Variants in SLC9A9 observed in about 807,000 individuals in gnomAD.
SLC9A9 encodes the protein sodium/hydrogen exchanger 9.
SLC9A9 carries 62 observed loss-of-function variants against 77.8 expected under a neutral mutation model. That is an observed-to-expected ratio of 0.80 (90% CI 0.65 to 0.98). The LOEUF is 0.98. SLC9A9 is among the 50% of genes least tolerant of loss of function. SLC9A9 has a pLI of 0.00. For synonymous variants in SLC9A9, 320 were observed against 283.5 expected (o/e 1.13, Z -1.29); for missense variants, 775 against 774.9 (o/e 1.00, Z 0.00).
intron 14 of SLC9A9, among the ~76,000 whole-genome samples, chr3:143,339,875 T>G (rs1273826229): frequency 6.6e-6 from 1 of 152,198 alleles, no homozygotes; most frequent in Non-Finnish European, 1.5e-5. Flanking sequence ...CAACTCCTTC[T>G]GTAAAAGGAT....
intron 9 of SLC9A9, among the ~76,000 whole-genome samples, chr3:143,516,181 T>C (rs1179729857): frequency 6.6e-6 from 1 of 152,202 alleles, no homozygotes; most frequent in South Asian, 2.1e-4. Flanking sequence ...ATGTTCTTAC[T>C]TTTTAATCTC....
At chr3:143,303,160 CAAATTAGAGAGGCCCACCT>C (rs1329390671) in intron 14 of SLC9A9, among the ~76,000 whole-genome samples, 2 of 152,180 alleles carry the variant, frequency 1.3e-5, no homozygotes, top group African/African-American at 4.8e-5. Flanking sequence ...AGCCTTTGTA[CAAATTAGAGAGGCCCACCT>C]GGATCATGGG....
chr3:143,400,846 C>T (rs1311026438), intron 12 of SLC9A9, among the ~76,000 whole-genome samples: 1 of 151,998 alleles, frequency 6.6e-6, no homozygotes, highest in African/African-American at 2.4e-5. Flanking sequence ...CTCTCAGGAT[C>T]GTGCAAGTGC....
At chr3:143,329,107 A>T (rs1483864774) in intron 14 of SLC9A9, among the ~76,000 whole-genome samples, 1 of 152,248 alleles carries the variant, frequency 6.6e-6, no homozygotes, top group African/African-American at 2.4e-5. Context: ...GATGTTTCCC[A>T]GCCTTAGCGC....
chr3:143,766,738 T>G (rs940621655), intron 4 of SLC9A9, among the ~76,000 whole-genome samples: 1 of 152,042 alleles, frequency 6.6e-6, no homozygotes, highest in Non-Finnish European at 1.5e-5. Context: ...CTGGCTAATT[T>G]TTAAAAAATA....
chr3:143,727,474 C>G (rs1285059447), intron 4 of SLC9A9, among the ~76,000 whole-genome samples: 1 of 152,184 alleles, frequency 6.6e-6, no homozygotes, highest in Non-Finnish European at 1.5e-5. Context: ...CAATATATCC[C>G]TATCCATGCT....
At position 143,584,209 on chromosome 3, in the gene SLC9A9, A is replaced by G. The variant is rs1331751258; in HGVS notation, c.756-5486T>C. ...CTTCCTCAAGGTCTCCTAGTTTCCA[A>G]CACCACCTTCCCCTGTTATTCTTTA... is the stretch of plus-strand genomic sequence containing the variant. On this transcript the variant is annotated intron_variant, in intron 6 of 15. Transcript: ENST00000316549. Among the ~76,000 whole-genome samples, 5 of 151,934 alleles carry G rather than the reference A, an allele frequency of 3.3e-5. No homozygotes were observed. The East Asian group carries it at 5.8e-4, about 18-fold the overall frequency.
chr3:143,774,022 T>C (rs2007614403), intron 4 of SLC9A9, among the ~76,000 whole-genome samples: 1 of 152,208 alleles, frequency 6.6e-6, no homozygotes, highest in South Asian at 2.1e-4. Flanking sequence ...CAATAACAGA[T>C]GTGTTTATTT....
chr3:143,641,517 C>T (rs1173474849), intron 6 of SLC9A9, among the ~76,000 whole-genome samples: 1 of 151,194 alleles, frequency 6.6e-6, no homozygotes, highest in Non-Finnish European at 1.5e-5. Context: ...CTTCAGCCTC[C>T]CAAGTAGCTG....
chr3:143,438,879 A>G (rs1406993027), intron 12 of SLC9A9, among the ~76,000 whole-genome samples: 2 of 152,206 alleles, frequency 1.3e-5, no homozygotes, highest in Non-Finnish European at 2.9e-5. Context: ...AAGAGGACTC[A>G]AGGTCTTCAT....
chr3:143,799,336 A>G (rs867283132), intron 2 of SLC9A9, among the ~76,000 whole-genome samples: 4 of 152,202 alleles, frequency 2.6e-5, no homozygotes, highest in African/African-American at 9.7e-5. Context: ...CGAAAATTAA[A>G]TTCCAGCTCT....
intron 5 of SLC9A9, among the ~76,000 whole-genome samples, chr3:143,669,361 G>A (rs1057225989): frequency 1.8e-4 from 28 of 152,102 alleles, no homozygotes; most frequent in African/African-American, 6.5e-4. Context: ...TCATTTAAAC[G>A]GAGACATTCT....
chr3:143,556,998 G>A (rs1407076209), intron 8 of SLC9A9, among the ~76,000 whole-genome samples: 2 of 152,102 alleles, frequency 1.3e-5, no homozygotes, highest in African/African-American at 4.8e-5. Flanking sequence ...AAAGTGATGT[G>A]GTTATATGGT....
At chr3:143,384,635 G>T (rs888798649) in intron 12 of SLC9A9, among the ~76,000 whole-genome samples, 5 of 152,212 alleles carry the variant, frequency 3.3e-5, no homozygotes, top group African/African-American at 9.6e-5. Context: ...GGCAGAGGAA[G>T]TGATGAAATT....
At chr3:143,280,600 C>T (rs1306833907) in intron 14 of SLC9A9, among the ~76,000 whole-genome samples, 2 of 140,548 alleles carry the variant, frequency 1.4e-5, no homozygotes, top group Admixed American at 7.6e-5. Context: ...CCCAGGCTGG[C>T]GAGTGCAGTG....
chr3:143,759,929 G>A (rs1207752173), intron 4 of SLC9A9, among the ~76,000 whole-genome samples: 3 of 151,958 alleles, frequency 2.0e-5, no homozygotes, highest in African/African-American at 7.3e-5. Context: ...ACCCAACCAA[G>A]CCCACTGAAA....
chr3:143,576,652 G>A lies in SLC9A9; in HGVS notation c.894+1933C>T, dbSNP rs16853850. ...GTGAAGAGAGCATGTTCGGCCTCTT[G>A]ATTCTCACTCTCCGGGTTTACTTGC... is the stretch of plus-strand genomic sequence containing the variant. On this transcript the variant is annotated intron_variant, in intron 7 of 15. Transcript: ENST00000316549. Among the ~76,000 whole-genome samples the A allele has an allele frequency of 5.4e-3, 828 of 152,290 alleles. 7 individuals are homozygous for A. Among genetic ancestry groups the A allele is most frequent in the African/African-American group, 0.019 (788 of 41,552 alleles).
chr3:143,478,927 C>T (rs957794001), intron 11 of SLC9A9, among the ~76,000 whole-genome samples: 3 of 152,226 alleles, frequency 2.0e-5, no homozygotes, highest in African/African-American at 4.8e-5. Context: ...TTAAAACTAT[C>T]AGATACTTGT....
At chr3:143,405,400 G>T (rs147963897) in intron 12 of SLC9A9, among the ~76,000 whole-genome samples, 18 of 152,228 alleles carry the variant, frequency 1.2e-4, no homozygotes, top group African/African-American at 4.3e-4. Context: ...GAGGATGGTG[G>T]GTCCCATCTT....
Sources: allele counts gnomAD v4.1 joint callset (sites outside exome capture counted in the v4.1 genomes callset), GRCh38; gene constraint gnomAD v4.1.1; transcripts MANE v1.5; gene names NCBI Gene and HGNC (gene_info 2026-07-23, HGNC 2026-07-21).